NLN: variants seen among roughly 807,000 people sequenced by gnomAD.
NLN encodes the protein neurolysin, mitochondrial.
In NLN, 64 loss-of-function variants were observed where a neutral mutation model predicts 79.9. The observed-to-expected ratio is 0.80, with a 90% CI of 0.65 to 0.99. NLN has a LOEUF of 0.99. Ranked by LOEUF, NLN falls within the 50% of genes least tolerant of loss-of-function variation. The probability of loss-of-function intolerance (pLI) is 0.00; values close to 1 mark genes in which losing one functional copy is unlikely to be tolerated. For missense variants in NLN, 835 were observed against 858.7 expected, an observed-to-expected ratio of 0.97 and a Z score of 0.34; for synonymous variants, 267 against 296.6, an observed-to-expected ratio of 0.90 and a Z score of 1.02.
rs754276956 is a variant in NLN, at chr5:65,763,084, ATT to A, written c.428_429del (p.Phe143Ter). ...TTGAGATGAGCATGAGAGGAGATAT[ATT>A]TGAGAGAATTGTTCATTTACAGGTA... is the stretch of plus-strand genomic sequence containing the variant. ...DIEMSMRGDI[F>X]ERIVHLQETC... On this transcript the variant is annotated frameshift_variant, in exon 3 of 13. Coordinates refer to ENST00000380985, the MANE Select transcript of NLN (RefSeq NM_020726.5). LOFTEE classifies it high-confidence loss of function. 1.8e-5 allele frequency: 29 copies of A among 1,613,686 alleles called. No individual in the cohort carries two copies. Among genetic ancestry groups the A allele is most frequent in the Non-Finnish European group, 2.5e-5 (29 of 1,179,722 alleles).
chr5:65,722,460 T>C, intron 1 of NLN, 46 bp downstream of exon 1: 1 of 1,531,012 alleles, frequency 6.5e-7, no homozygotes, highest in Non-Finnish European at 8.8e-7. Context: ...CAGGGCGGGG[T>C]CTTTCGCCGT....
intron 3 of NLN, among the ~76,000 whole-genome samples, chr5:65,774,161 T>C (rs1472759414): frequency 6.6e-6 from 1 of 151,684 alleles, no homozygotes; most frequent in African/African-American, 2.4e-5. Flanking sequence ...ATAATCATAC[T>C]TGTGAGAGAT....
At chr5:65,777,646 T>C (rs1759708274) in intron 4 of NLN, 112 bp downstream of exon 4, 1 of 695,822 alleles carries the variant, frequency 1.4e-6, no homozygotes, top group East Asian at 2.7e-5. Context: ...TCTGCAACTT[T>C]TGGGTGCCAA....
chr5:65,825,034 G>A lies in NLN; in HGVS notation c.*2119G>A, dbSNP rs1314343397. On this transcript the variant is annotated 3_prime_UTR_variant, in exon 13 of 13. Coordinates refer to ENST00000380985, the MANE Select transcript of NLN (RefSeq NM_020726.5). Reference sequence around the variant, plus strand: ...GAGAATAGCTTGAACCCGGGAGGTGGAGGTTGCAGTGAGCTGAGATCATGC... The same window carrying A: ...GAGAATAGCTTGAACCCGGGAGGTGAAGGTTGCAGTGAGCTGAGATCATGC... The A allele has an allele frequency of 6.6e-6, 1 of 152,378 alleles. No individual in the cohort carries two copies. The highest frequency in any genetic ancestry group is 1.5e-5 in the Non-Finnish European group (1 of 68,200). 9.4% of individuals were successfully genotyped at this position (152,378 alleles called of 1,614,324 possible). A position where few individuals can be genotyped will look rare whatever the true frequency, so the allele number is the denominator to read the frequency against.
chr5:65,819,125 C>T (rs1264733785), intron 12 of NLN: 1 of 152,068 alleles, frequency 6.6e-6, no homozygotes, highest in Non-Finnish European at 1.5e-5. Context: ...AAATGAAGTT[C>T]CTTATGCCTT....
intron 7 of NLN, among the ~76,000 whole-genome samples, chr5:65,787,222 C>G (rs1759946568): frequency 2.7e-5 from 4 of 150,498 alleles, no homozygotes; most frequent in African/African-American, 9.9e-5. Flanking sequence ...CTCACTCACT[C>G]TCTCTCTCTC....
In NLN at chr5:65,784,657, G is replaced by T. The variant is rs114196375; in HGVS notation, c.823-1118G>T. Among the ~76,000 whole-genome samples the T allele has an allele frequency of 5.9e-3, 903 of 152,252 alleles. 6 individuals are homozygous for T. Among genetic ancestry groups the T allele is most frequent in the African/African-American group, 0.021 (858 of 41,542 alleles). On this transcript the variant is annotated intron_variant, in intron 6 of 12. Coordinates refer to ENST00000380985, the MANE Select transcript of NLN (RefSeq NM_020726.5). ...TGCCATTTAACACTACCTCAAAAGG[G>T]ATTATGTTTCAACACATGAATTTTG...
chr5:65,723,839 A>G (rs13161077), intron 1 of NLN, among the ~76,000 whole-genome samples: 6 of 150,588 alleles, frequency 4.0e-5, no homozygotes, highest in Non-Finnish European at 8.9e-5. Flanking sequence ...AAAAAAAAGA[A>G]CAATTCTCAA....
At chr5:65,743,207 G>A (rs1003432662) in intron 1 of NLN, among the ~76,000 whole-genome samples, 10 of 152,072 alleles carry the variant, frequency 6.6e-5, no homozygotes, top group Admixed American at 2.0e-4. Context: ...CAGTATTCAC[G>A]TGGATTTTAA....
chr5:65,827,262 G>C lies in NLN; in HGVS notation c.*4347G>C, dbSNP rs1007083525. ...AATTCACCTTGTAGTTCCCTTTCCT[G>C]AGAAAATACAGGTTCAACACATCTA... On this transcript the variant is annotated 3_prime_UTR_variant, in exon 13 of 13. Transcript: ENST00000380985. The C allele has an allele frequency of 2.6e-5, 4 of 152,114 alleles. No individual in the cohort carries two copies. The highest frequency in any genetic ancestry group is 9.7e-5 in the African/African-American group (4 of 41,410). 9.4% of individuals were successfully genotyped at this position (152,114 alleles called of 1,614,324 possible).
intron 5 of NLN, 73 bp downstream of exon 5, chr5:65,780,354 T>C (rs1759772819): frequency 1.7e-6 from 1 of 604,528 alleles, no homozygotes; most frequent in Admixed American, 3.3e-5. Flanking sequence ...TTTGTTTTAC[T>C]TTCCAGATAC....
intron 11 of NLN, 140 bp downstream of exon 11, chr5:65,810,305 G>A: frequency 2.7e-6 from 2 of 744,416 alleles, no homozygotes; most frequent in Non-Finnish European, 2.2e-6. Flanking sequence ...TTTCAGATAA[G>A]CATACTATGT....
Position 65,722,309 on chromosome 5 carries a change from C to A in NLN, c.-65C>A. 7.2e-7 allele frequency: 1 copy of A among 1,391,772 alleles called. No homozygotes were observed. The highest frequency in any genetic ancestry group is 1.3e-5 in the South Asian group (1 of 75,558). The allele number at this position is 1,391,772 out of a possible 1,614,324, so 86.2% of individuals were successfully genotyped here. On this transcript the variant is annotated 5_prime_UTR_variant, in exon 1 of 13. Transcript: ENST00000380985. ...AGACTCCCGGGCGCCCAGGCGCTGC[C>A]GCCCGCCTCGCCGCCCCACGCCGAA...
In NLN at chr5:65,722,246, C is replaced by T; in HGVS notation, c.-128C>T. 2 of 563,766 alleles carry T rather than the reference C, an allele frequency of 3.5e-6. No homozygotes were observed. The highest frequency in any genetic ancestry group is 5.0e-4 in the Middle Eastern group (1 of 1,986). 34.9% of individuals were successfully genotyped at this position (563,766 alleles called of 1,614,324 possible). A position where few individuals can be genotyped will look rare whatever the true frequency, so the allele number is the denominator to read the frequency against. On this transcript the variant is annotated 5_prime_UTR_variant, in exon 1 of 13. Transcript: ENST00000380985. ...CTGCCGCACGTGGGAGGGCGCTGGC[C>T]AGGCAGCCACTGTGGCCTCTGCGGC...
chr5:65,812,105 A>G, intron 11 of NLN, 150 bp from the exon 12 acceptor site: 2 of 664,332 alleles, frequency 3.0e-6, no homozygotes, highest in Non-Finnish European at 5.3e-6. Flanking sequence ...GGCCAAGAGG[A>G]CACATCAGCC....
intron 1 of NLN, among the ~76,000 whole-genome samples, chr5:65,729,050 C>G (rs562252037): frequency 6.6e-6 from 1 of 152,276 alleles, no homozygotes; most frequent in Non-Finnish European, 1.5e-5. Context: ...CGCCATGTTG[C>G]CCAAGCTGGT....
At chr5:65,802,251 C>A (rs1579962036) in intron 9 of NLN, among the ~76,000 whole-genome samples, 1 of 152,204 alleles carries the variant, frequency 6.6e-6, no homozygotes, top group East Asian at 1.9e-4. Flanking sequence ...CATGAGTGAG[C>A]AAGCATGGGG....
At chr5:65,776,530 G>A (rs973346971) in intron 3 of NLN, among the ~76,000 whole-genome samples, 1 of 152,114 alleles carries the variant, frequency 6.6e-6, no homozygotes, top group Non-Finnish European at 1.5e-5. Flanking sequence ...GGCCTATAAG[G>A]CTTTAGAAAC....
At chr5:65,734,967 C>T (rs1758697902) in intron 1 of NLN, among the ~76,000 whole-genome samples, 1 of 152,142 alleles carries the variant, frequency 6.6e-6, no homozygotes, top group African/African-American at 2.4e-5. Context: ...ATATTAGATT[C>T]CAACTACCAA....
Sources: allele counts gnomAD v4.1 joint callset (sites outside exome capture counted in the v4.1 genomes callset), GRCh38; gene constraint gnomAD v4.1.1; transcripts MANE v1.5; gene names NCBI Gene and HGNC (gene_info 2026-07-23, HGNC 2026-07-21).